The following PRR16 variants were observed in gnomAD, a reference collection of about 807,000 sequenced individuals.
PRR16 encodes proline rich 16, also known as protein Largen.
A neutral mutation model predicts 18.2 loss-of-function variants in PRR16; 6 were observed. The ratio of observed to expected loss-of-function variants is 0.33; its 90% CI spans 0.18 to 0.65. The LOEUF (loss-of-function observed/expected upper bound fraction) is 0.65, where lower values mean the gene tolerates loss of function less well. PRR16 is among the 30% of genes least tolerant of loss of function. PRR16 has a pLI of 0.74. For missense variants in PRR16, 412 were observed against 376.6 expected (o/e 1.09, Z -0.78); for synonymous variants, 151 against 147.8 (o/e 1.02, Z -0.16).
At chr5:120,704,210 C>T in the PRR16 span, among the ~76,000 whole-genome samples, 198 of 152,226 alleles carry the variant, frequency 1.3e-3, 1 homozygote, top group African/African-American at 4.5e-3. Flanking sequence ...AAAGACACTT[C>T]TAGATTCTGA....
chr5:120,684,171 G>A (rs187662011), intron 1 of PRR16, among the ~76,000 whole-genome samples: 1 of 152,292 alleles, frequency 6.6e-6, no homozygotes, highest in Admixed American at 6.5e-5. Flanking sequence ...TCAGATGTGA[G>A]GTTTGTGCTG....
At chr5:120,631,441 T>G (rs1755050987) in intron 1 of PRR16, among the ~76,000 whole-genome samples, 1 of 151,838 alleles carries the variant, frequency 6.6e-6, no homozygotes, top group Admixed American at 6.6e-5. Context: ...CTGGGATGAG[T>G]TCTCAGCCCT....
At chr5:120,537,902 A>C (rs1374326640) in intron 1 of PRR16, among the ~76,000 whole-genome samples, 6 of 147,428 alleles carry the variant, frequency 4.1e-5, no homozygotes, top group Non-Finnish European at 9.0e-5. Flanking sequence ...TCAGCCTCCC[A>C]AGTAGCTGGG....
the PRR16 span, among the ~76,000 whole-genome samples, chr5:120,714,959 A>C: frequency 6.6e-6 from 1 of 152,132 alleles, no homozygotes; most frequent in South Asian, 2.1e-4. Context: ...GGACACAGGG[A>C]GGAGAACAAC....
chr5:120,637,093 A>G (rs1244915676), intron 1 of PRR16, among the ~76,000 whole-genome samples: 1 of 151,918 alleles, frequency 6.6e-6, no homozygotes, highest in African/African-American at 2.4e-5. Context: ...ATACCAGCTC[A>G]CTCCTGCAAG....
chr5:120,708,718 G>T, the PRR16 span, among the ~76,000 whole-genome samples: 1 of 152,088 alleles, frequency 6.6e-6, no homozygotes, highest in Admixed American at 6.6e-5. Flanking sequence ...TACCAAAGGA[G>T]ACCAGAATTA....
At chr5:120,676,130 G>A (rs1164709882) in intron 1 of PRR16, among the ~76,000 whole-genome samples, 1 of 152,026 alleles carries the variant, frequency 6.6e-6, no homozygotes, top group Non-Finnish European at 1.5e-5. Context: ...TATTGTCACT[G>A]TTTGTTTTAG....
At chr5:120,564,167 A>G (rs903450251) in intron 1 of PRR16, among the ~76,000 whole-genome samples, 7 of 152,134 alleles carry the variant, frequency 4.6e-5, no homozygotes, top group African/African-American at 1.7e-4. Context: ...CCTCTTAAGC[A>G]GAAGGAATGA....
In PRR16 at chr5:120,554,218, C is replaced by T. The variant is rs113115102; in HGVS notation, c.159+89573C>T. On this transcript the variant is annotated intron_variant, in intron 1 of 1. Transcript: ENST00000407149. ...CCTTGGGAGGATATTTGCCAATATA[C>T]TCTGTGCTTTCTTTTACGGGGGTGT... is the stretch of plus-strand genomic sequence containing the variant. Among the ~76,000 whole-genome samples the T allele has an allele frequency of 3.5e-3, 537 of 151,916 alleles. 3 individuals are homozygous for T. The highest frequency in any genetic ancestry group is 0.012 in the African/African-American group (500 of 41,480).
intron 1 of PRR16, among the ~76,000 whole-genome samples, chr5:120,529,117 A>G (rs1441515059): frequency 6.6e-6 from 1 of 152,170 alleles, no homozygotes; most frequent in Non-Finnish European, 1.5e-5. Flanking sequence ...GTACACTTCC[A>G]TTGATGAAGA....
intron 1 of PRR16, among the ~76,000 whole-genome samples, chr5:120,487,174 T>A (rs987398559): frequency 8.5e-5 from 13 of 152,222 alleles, no homozygotes; most frequent in Non-Finnish European, 1.0e-4. Flanking sequence ...TTTTTTCCAA[T>A]TCTGTGAAGA....
At chr5:120,724,176 T>C in the PRR16 span, among the ~76,000 whole-genome samples, 1 of 152,070 alleles carries the variant, frequency 6.6e-6, no homozygotes, top group East Asian at 1.9e-4. Flanking sequence ...CCTGCAAATT[T>C]ACTTTCTCCT....
chr5:120,713,129 C>T, the PRR16 span, among the ~76,000 whole-genome samples: 11 of 152,146 alleles, frequency 7.2e-5, no homozygotes, highest in Middle Eastern at 3.4e-3. Context: ...CACATACACA[C>T]GCACATATAT....
At chr5:120,793,995 C>A in the PRR16 span, among the ~76,000 whole-genome samples, 1 of 152,016 alleles carries the variant, frequency 6.6e-6, no homozygotes, top group Non-Finnish European at 1.5e-5. Context: ...GTATAATATA[C>A]GTGGTTCCTT....
the PRR16 span, among the ~76,000 whole-genome samples, chr5:120,746,017 C>A: frequency 1.3e-5 from 2 of 151,832 alleles, no homozygotes; most frequent in African/African-American, 4.8e-5. Context: ...TGGCCTTTAG[C>A]CTTTGCATTC....
chr5:120,574,713 A>G (rs1453595038), intron 1 of PRR16, among the ~76,000 whole-genome samples: 1 of 149,354 alleles, frequency 6.7e-6, no homozygotes, highest in Admixed American at 6.6e-5. Context: ...CCACTTTATA[A>G]TATTTGTAAA....
At chr5:120,722,114 G>T in the PRR16 span, among the ~76,000 whole-genome samples, 1 of 151,958 alleles carries the variant, frequency 6.6e-6, no homozygotes, top group East Asian at 1.9e-4. Context: ...ACGAGTGAGA[G>T]AATGTGGTTT....
downstream of PRR16, among the ~76,000 whole-genome samples, chr5:120,689,260 G>A (rs1002677419): frequency 6.6e-6 from 1 of 151,982 alleles, no homozygotes; most frequent in Admixed American, 6.6e-5. Flanking sequence ...TGATAATATT[G>A]CCACATTCAC....
chr5:120,754,801 T>C, the PRR16 span, among the ~76,000 whole-genome samples: 2 of 150,452 alleles, frequency 1.3e-5, no homozygotes, highest in East Asian at 3.9e-4. Context: ...TCTATACCAT[T>C]GGTAAATTAA....
Sources: allele counts gnomAD v4.1 joint callset (sites outside exome capture counted in the v4.1 genomes callset), GRCh38; gene constraint gnomAD v4.1.1; transcripts MANE v1.5; gene names NCBI Gene and HGNC (gene_info 2026-07-23, HGNC 2026-07-21).